CADPS: variants seen among roughly 807,000 people sequenced by gnomAD.
The protein encoded by CADPS is calcium dependent secretion activator, also known as calcium-dependent secretion activator 1.
A neutral mutation model predicts 167.3 loss-of-function variants in CADPS; 57 were observed. The ratio of observed to expected loss-of-function variants is 0.34; its 90% CI spans 0.28 to 0.42. The LOEUF is 0.42. Ranked by LOEUF, CADPS falls within the 20% of genes least tolerant of loss-of-function variation. CADPS has a pLI of 1.00. For missense variants in CADPS, 1,414 were observed against 1,738.1 expected, an observed-to-expected ratio of 0.81 and a Z score of 3.32; for synonymous variants, 676 against 635.3, an observed-to-expected ratio of 1.06 and a Z score of -0.96.
chr3:62,428,971 G>C (rs992841220), intron 28 of CADPS, among the ~76,000 whole-genome samples: 3 of 152,204 alleles, frequency 2.0e-5, no homozygotes, highest in Non-Finnish European at 4.4e-5. Context: ...CCAAAGACGA[G>C]AAACTTTGCT....
chr3:62,670,083 T>G (rs1268403411), intron 3 of CADPS, among the ~76,000 whole-genome samples: 2 of 152,210 alleles, frequency 1.3e-5, no homozygotes, highest in Admixed American at 1.3e-4. Context: ...GTGACACATA[T>G]TCACTGTATG....
chr3:62,779,536 A>G, intron 1 of CADPS: 1 of 535,622 alleles, frequency 1.9e-6, no homozygotes, highest in Non-Finnish European at 3.8e-6. Context: ...GTGGCTGCCC[A>G]TTTTGTATTG....
At chr3:62,773,973 C>G (rs116597907) in intron 1 of CADPS, among the ~76,000 whole-genome samples, 4 of 152,004 alleles carry the variant, frequency 2.6e-5, no homozygotes, top group African/African-American at 9.7e-5. Flanking sequence ...ATAAATTGGC[C>G]ACATGATACT....
chr3:62,792,069 C>G (rs1365598305), intron 1 of CADPS, among the ~76,000 whole-genome samples: 1 of 152,150 alleles, frequency 6.6e-6, no homozygotes, highest in African/African-American at 2.4e-5. Context: ...TATGTGGCTT[C>G]ATTCTCCAAG....
At chr3:62,672,675 A>G (rs2075735939) in intron 3 of CADPS, among the ~76,000 whole-genome samples, 1 of 152,126 alleles carries the variant, frequency 6.6e-6, no homozygotes, top group South Asian at 2.1e-4. Flanking sequence ...CTAGGCTGGA[A>G]TGCAATGTTG....
chr3:62,556,403 T>C (rs1454258284), intron 10 of CADPS, among the ~76,000 whole-genome samples: 1 of 152,246 alleles, frequency 6.6e-6, no homozygotes, highest in Non-Finnish European at 1.5e-5. Flanking sequence ...AGGCCTTCCC[T>C]GCCACACCTT....
At chr3:62,537,958 G>A (rs1165823603) in intron 11 of CADPS, among the ~76,000 whole-genome samples, 2 of 152,094 alleles carry the variant, frequency 1.3e-5, no homozygotes, top group East Asian at 1.9e-4. Flanking sequence ...TTGTTTGAAC[G>A]AGATGTGGCG....
At chr3:62,576,787 C>CT (rs1553936617) in intron 8 of CADPS, among the ~76,000 whole-genome samples, 36,876 of 44,776 alleles carry the variant, frequency 0.82, 15,035 homozygotes, top group South Asian at 0.87. Flanking sequence ...AAGACTCTGT[C>CT]TAAAAAAAAA....
chr3:62,730,078 G>A (rs1445029311), intron 3 of CADPS, among the ~76,000 whole-genome samples: 2 of 151,456 alleles, frequency 1.3e-5, no homozygotes, highest in African/African-American at 4.9e-5. Context: ...CTCTGAAGTA[G>A]ACTGTGAATC....
At chr3:62,683,705 T>C (rs571024315) in intron 3 of CADPS, among the ~76,000 whole-genome samples, 1 of 152,166 alleles carries the variant, frequency 6.6e-6, no homozygotes, top group East Asian at 1.9e-4. Flanking sequence ...CTACATTACA[T>C]TTTGCTATCA....
At chr3:62,675,928 C>T (rs1205677840) in intron 3 of CADPS, among the ~76,000 whole-genome samples, 1 of 151,992 alleles carries the variant, frequency 6.6e-6, no homozygotes, top group African/African-American at 2.4e-5. Flanking sequence ...ATGGCAAATC[C>T]CTCCTCTCCT....
chr3:62,818,534 G>A (rs1450019096), intron 1 of CADPS, among the ~76,000 whole-genome samples: 1 of 152,158 alleles, frequency 6.6e-6, no homozygotes, highest in African/African-American at 2.4e-5. Flanking sequence ...TAAAAAGACA[G>A]ACCAGTGTTG....
intron 28 of CADPS, among the ~76,000 whole-genome samples, chr3:62,406,519 G>C (rs185595460): frequency 6.6e-6 from 1 of 152,020 alleles, no homozygotes; most frequent in African/African-American, 2.4e-5. Flanking sequence ...CTAACTTTTC[G>C]GTAAAATATA....
At chr3:62,561,637 T>A (rs1227409448) in intron 9 of CADPS, among the ~76,000 whole-genome samples, 1 of 152,084 alleles carries the variant, frequency 6.6e-6, no homozygotes, top group Non-Finnish European at 1.5e-5. Context: ...GTCCATAACC[T>A]CTAAGATTGC....
chr3:62,556,712 G>A (rs1045210205), intron 10 of CADPS, among the ~76,000 whole-genome samples: 2 of 152,062 alleles, frequency 1.3e-5, no homozygotes, highest in African/African-American at 2.4e-5. Context: ...AAATGGGTGG[G>A]GGGAGAGGTG....
At chr3:62,674,731 T>A (rs77085422) in intron 3 of CADPS, among the ~76,000 whole-genome samples, 1 of 152,166 alleles carries the variant, frequency 6.6e-6, no homozygotes, top group Non-Finnish European at 1.5e-5. Context: ...ATATACTGCA[T>A]TGTGTGCAAA....
Position 62,823,697 on chromosome 3 carries a change from C to T in CADPS, c.441+50892G>A, listed in dbSNP as rs1216487799. 2.0e-5 allele frequency among the ~76,000 whole-genome samples: 3 copies of T among 152,142 alleles called. No homozygotes were observed. The East Asian group carries it at 5.8e-4, about 29-fold the overall frequency. On this transcript the variant is annotated intron_variant, in intron 1 of 29. Coordinates refer to ENST00000383710, the MANE Select transcript of CADPS (RefSeq NM_003716.4). The stretch of plus-strand genomic sequence containing the variant: ...TAATCCTTTGATTGACAGTTACAGT[C>T]CTATCAGAAAAGCAGACTACATTTA...
intron 9 of CADPS, among the ~76,000 whole-genome samples, chr3:62,564,605 ATC>A (rs951194225): frequency 1.9e-5 from 2 of 103,754 alleles, no homozygotes; most frequent in African/African-American, 3.4e-5. Flanking sequence ...TTAACCAGAA[ATC>A]TTTTTTTTTT....
chr3:62,776,920 A>G (rs2090446463), intron 1 of CADPS, among the ~76,000 whole-genome samples: 1 of 152,060 alleles, frequency 6.6e-6, no homozygotes, highest in Non-Finnish European at 1.5e-5. Flanking sequence ...AAGATGAGAA[A>G]CTGTGGGACC....
Sources: allele counts gnomAD v4.1 joint callset (sites outside exome capture counted in the v4.1 genomes callset), GRCh38; gene constraint gnomAD v4.1.1; transcripts MANE v1.5; gene names NCBI Gene and HGNC (gene_info 2026-07-23, HGNC 2026-07-21).